EVC: variants seen among roughly 807,000 people sequenced by gnomAD.
EVC encodes the protein evC complex member EVC.
A neutral mutation model predicts 118.9 loss-of-function variants in EVC; 116 were observed. The observed-to-expected ratio is 0.98, with a 90% CI of 0.84 to 1.14. The LOEUF is 1.14. Ranked by LOEUF, EVC falls within the 50% of genes most tolerant of loss-of-function variation. The pLI is 0.00. For missense variants in EVC, 1,401 were observed against 1,246.4 expected (o/e 1.12, Z -1.87); for synonymous variants, 619 against 534.7 (o/e 1.16, Z -2.18).
intron 11 of EVC, among the ~76,000 whole-genome samples, chr4:5,762,341 G>C (rs1417753041): frequency 7.2e-6 from 1 of 139,294 alleles, no homozygotes; most frequent in African/African-American, 2.7e-5. Context: ...TTGCTATTGT[G>C]AATAGTGCCG....
Position 5,798,824 on chromosome 4 carries a change from G to T in EVC, c.2304+32G>T. On this transcript the variant is annotated intron_variant, in intron 15 of 20. Coordinates refer to ENST00000264956, the MANE Select transcript of EVC (RefSeq NM_153717.3). The surrounding 1 kb of genome is among the most constrained non-coding windows in gnomAD (Gnocchi z 4.1). ...ACTGACCTCTGTCCCTGGGGACACC[G>T]AGGGCAAGAATGTTCAGGGTAGGGT... 6.3e-7 allele frequency: 1 copy of T among 1,597,586 alleles called. No homozygotes were observed. Among genetic ancestry groups the T allele is most frequent in the South Asian group, 1.1e-5 (1 of 88,650 alleles).
rs1392457229 is a variant in EVC, at chr4:5,719,144, C to A, written c.175-104C>A. On this transcript the variant is annotated intron_variant, in intron 1 of 20. Coordinates refer to ENST00000264956, the MANE Select transcript of EVC (RefSeq NM_153717.3). This position sits in a 1 kb window ranked among gnomAD's most constrained non-coding sequence, Gnocchi z 4.7. The stretch of plus-strand genomic sequence containing the variant: ...GCACAGAGGCGAGCAGAAGTGGCTG[C>A]TGGACTGGGGGAGTTGACTGGCAAA... 8.8e-6 allele frequency: 13 copies of A among 1,472,232 alleles called. No individual in the cohort carries two copies. The East Asian group carries it at 2.5e-4, about 28-fold the overall frequency. 91.2% of individuals were successfully genotyped at this position (1,472,232 alleles called of 1,614,324 possible). A position where few individuals can be genotyped will look rare whatever the true frequency, so the allele number is the denominator to read the frequency against.
At chr4:5,826,271 C>G in the EVC span, 2,126 of 153,236 alleles carry the variant, frequency 0.014, 27 homozygotes, top group South Asian at 0.04. Context: ...ACGGGCCCAT[C>G]TTCATGTATG....
chr4:5,785,175 C>T (rs1444389225), intron 12 of EVC, among the ~76,000 whole-genome samples: 1 of 152,184 alleles, frequency 6.6e-6, no homozygotes, highest in African/African-American at 2.4e-5. Flanking sequence ...TTCAGTGTCC[C>T]ATTCTTCCTT....
intron 2 of EVC, among the ~76,000 whole-genome samples, chr4:5,723,347 A>G (rs1224535451): frequency 6.6e-6 from 1 of 151,524 alleles, no homozygotes; most frequent in Non-Finnish European, 1.5e-5. Flanking sequence ...GCGCCACCAC[A>G]CCCAGCTAAT....
chr4:5,747,973 G>C (rs1357679570), intron 7 of EVC, 175 bp from the exon 8 acceptor site: 1 of 741,248 alleles, frequency 1.3e-6, no homozygotes, highest in Non-Finnish European at 2.3e-6. Flanking sequence ...AATGGAACCA[G>C]AAAGAACTTC....
rs201687299 is a variant in EVC at position 5,765,281 on chromosome 4, A to T, written c.1563+8919A>T. Among the ~76,000 whole-genome samples the T allele has an allele frequency of 7.1e-4, 83 of 117,060 alleles. 22 individuals are homozygous for T. The highest frequency in any genetic ancestry group is 1.3e-3 in the Non-Finnish European group (71 of 54,180). 76.8% of individuals were successfully genotyped at this position (117,060 alleles called of 152,430 possible). On this transcript the variant is annotated intron_variant, in intron 11 of 20. Coordinates refer to ENST00000264956, the MANE Select transcript of EVC (RefSeq NM_153717.3). ...TGGTCTGAGAGATAGTTTGTTATAA[A>T]TTCTATTCTTTTACATTTGCTGAGG...
chr4:5,747,983 C>G (rs950619161), intron 7 of EVC, 165 bp from the exon 8 acceptor site: 9 of 793,410 alleles, frequency 1.1e-5, no homozygotes, highest in Non-Finnish European at 1.9e-5. Context: ...GAAAGAACTT[C>G]ACTGTAGAAC....
intron 20 of EVC, among the ~76,000 whole-genome samples, chr4:5,810,718 G>C (rs1295320502): frequency 6.6e-6 from 1 of 152,222 alleles, no homozygotes; most frequent in African/African-American, 2.4e-5. Flanking sequence ...CATCCAGCCT[G>C]AAGTGTTGGG....
intron 11 of EVC, among the ~76,000 whole-genome samples, chr4:5,781,395 C>G (rs2152278271): frequency 6.6e-6 from 1 of 152,284 alleles, no homozygotes; most frequent in East Asian, 1.9e-4. Flanking sequence ...GCTAACCAAA[C>G]AGCTGGTGGG....
At chr4:5,747,027 A>G (rs1486640077) in intron 7 of EVC, among the ~76,000 whole-genome samples, 3 of 152,054 alleles carry the variant, frequency 2.0e-5, no homozygotes, top group Admixed American at 2.0e-4. Context: ...GGGGAAGAGC[A>G]GGGTGAGAGC....
intron 2 of EVC, among the ~76,000 whole-genome samples, chr4:5,726,082 C>G (rs1725760420): frequency 6.6e-6 from 1 of 152,170 alleles, no homozygotes; most frequent in South Asian, 2.1e-4. Context: ...GAGGCTGTGT[C>G]AGCACCTCAA....
the EVC span, among the ~76,000 whole-genome samples, chr4:5,827,733 G>GCGCGCGCA: frequency 7.2e-6 from 1 of 138,276 alleles, no homozygotes; most frequent in African/African-American, 2.9e-5. Context: ...ATGTGCGCGT[G>GCGCGCGCA]CACACACACA....
At chr4:5,827,733 G>GCGCACACACACACACA in the EVC span, among the ~76,000 whole-genome samples, 1 of 138,276 alleles carries the variant, frequency 7.2e-6, no homozygotes, top group African/African-American at 2.9e-5. Flanking sequence ...ATGTGCGCGT[G>GCGCACACACACACACA]CACACACACA....
the EVC span, among the ~76,000 whole-genome samples, chr4:5,823,610 C>CTAT: frequency 5.0e-3 from 755 of 152,328 alleles, 5 homozygotes; most frequent in African/African-American, 0.017. Context: ...AATTCTTGCT[C>CTAT]TATTAGCTCT....
At chr4:5,761,708 T>C (rs1284173507) in intron 11 of EVC, among the ~76,000 whole-genome samples, 1 of 151,824 alleles carries the variant, frequency 6.6e-6, no homozygotes, top group African/African-American at 2.4e-5. Flanking sequence ...CATGGAGTCT[T>C]TTGAAAGGGC....
At position 5,797,066 on chromosome 4, in the gene EVC, C is replaced by T. The variant is rs774775333; in HGVS notation, c.1931C>T (p.Ser644Leu). ...VLQGHDLLLR[S>L]ALRRLALRGN... ...CAGGGGCATGACCTGCTGTTGCGCT[C>T]AGCCCTCCGGAGGCTGGCACTCCGC... Residue 644 changes from serine to leucine, a missense_variant, in exon 14 of 21, where the codon TCA (serine) becomes TTA (leucine). Physicochemically the swap from Ser to Leu is moderately radical, Grantham distance 145 (BLOSUM62 -2). Transcript: ENST00000264956. 1 of 1,613,490 alleles carries T rather than the reference C, an allele frequency of 6.2e-7. No individual in the cohort carries two copies. Among genetic ancestry groups the T allele is most frequent in the Non-Finnish European group, 8.5e-7 (1 of 1,180,010 alleles).
At chr4:5,821,642 G>A in the EVC span, 242 of 937,990 alleles carry the variant, frequency 2.6e-4, 2 homozygotes, top group East Asian at 6.0e-3. The surrounding 1 kb of genome is among the most constrained non-coding windows in gnomAD (Gnocchi z 4.4). Context: ...AGCATCCTTC[G>A]ACTTCCCCCT....
intron 1 of EVC, among the ~76,000 whole-genome samples, chr4:5,713,118 G>C (rs1723313684): frequency 1.3e-5 from 2 of 152,218 alleles, no homozygotes; most frequent in African/African-American, 4.8e-5. Context: ...GGCTTACCGG[G>C]ATTAACCAAG....
Sources: gnomAD v4.1 joint callset for allele counts (sites outside exome capture counted in the v4.1 genomes callset) on GRCh38, gnomAD v4.1.1 for gene constraint, Gnocchi (gnomAD v3.1) non-coding constraint, MANE v1.5 for transcripts, NCBI Gene and HGNC (gene_info 2026-07-23, HGNC 2026-07-21) for gene names.